TENM2: variants seen among roughly 807,000 people sequenced by gnomAD.
TENM2 encodes the protein teneurin transmembrane protein 2, also known as teneurin-2.
In TENM2, 52 loss-of-function variants were observed where a neutral mutation model predicts 245.2. The ratio of observed to expected loss-of-function variants is 0.21; its 90% CI spans 0.17 to 0.27. The LOEUF (loss-of-function observed/expected upper bound fraction) is 0.27, where lower values mean the gene tolerates loss of function less well. Ranked by LOEUF, TENM2 falls within the 10% of genes least tolerant of loss-of-function variation. The pLI is 1.00. For synonymous variants in TENM2, 1,363 were observed against 1,438.9 expected (o/e 0.95, Z 1.19); for missense variants, 3,046 against 3,666.8 (o/e 0.83, Z 4.37).
chr5:167,977,173 G>T (rs1452992615), intron 4 of TENM2, among the ~76,000 whole-genome samples: 1 of 152,070 alleles, frequency 6.6e-6, no homozygotes, highest in Admixed American at 6.5e-5. Context: ...CCTACTTGAG[G>T]GTGGAGGGTG....
chr5:167,098,498 C>T, the TENM2 span, among the ~76,000 whole-genome samples: 2 of 152,162 alleles, frequency 1.3e-5, no homozygotes, highest in Admixed American at 6.5e-5. Flanking sequence ...ACTTCTGCTT[C>T]TGATGCTTCC....
chr5:167,389,953 T>C (rs1348343469), intron 2 of TENM2, among the ~76,000 whole-genome samples: 2 of 152,214 alleles, frequency 1.3e-5, no homozygotes, highest in African/African-American at 2.4e-5. Flanking sequence ...TATGGAAAGA[T>C]AGTGGGACGA....
the TENM2 span, among the ~76,000 whole-genome samples, chr5:167,029,588 G>A: frequency 6.6e-6 from 1 of 152,070 alleles, no homozygotes; most frequent in Non-Finnish European, 1.5e-5. Context: ...AAGTATATTG[G>A]CAAGTGACTT....
intron 2 of TENM2, among the ~76,000 whole-genome samples, chr5:167,392,513 C>T (rs1371057341): frequency 1.3e-5 from 2 of 152,124 alleles, no homozygotes; most frequent in Admixed American, 6.6e-5. Context: ...TTTCTCCTGC[C>T]GTCAGCATTT....
intron 3 of TENM2, among the ~76,000 whole-genome samples, chr5:167,890,389 A>G (rs184290382): frequency 1.3e-5 from 2 of 152,276 alleles, no homozygotes; most frequent in African/African-American, 4.8e-5. Context: ...AATAATCATC[A>G]TCACTTATGT....
chr5:167,124,020 A>T, the TENM2 span, among the ~76,000 whole-genome samples: 4,009 of 152,304 alleles, frequency 0.026, 192 homozygotes, highest in African/African-American at 0.092. Flanking sequence ...GCATTTCTGC[A>T]TCTTCCTGTA....
intron 15 of TENM2, among the ~76,000 whole-genome samples, chr5:168,195,608 G>A (rs979183708): frequency 9.8e-6 from 1 of 101,664 alleles, no homozygotes; most frequent in Non-Finnish European, 2.0e-5. Context: ...GTGTGTGTGT[G>A]TGTTGGGGTG....
At chr5:167,166,097 G>A in the TENM2 span, among the ~76,000 whole-genome samples, 1 of 152,154 alleles carries the variant, frequency 6.6e-6, no homozygotes, top group Non-Finnish European at 1.5e-5. Context: ...AAGCTTTTGT[G>A]AATGATGGTT....
rs577835695 is a variant in TENM2, at chr5:168,151,735, G to T, written c.2423-10876G>T. Among the ~76,000 whole-genome samples the T allele has an allele frequency of 6.6e-5, 10 of 152,310 alleles. No individual in the cohort carries two copies. In the East Asian group the frequency reaches 1.9e-3, roughly 29 times the overall value. On this transcript the variant is annotated intron_variant, in intron 12 of 28. Transcript: ENST00000518659. ...GAGGTGACCTGATGCAGTGGCCCCG[G>T]GCAGCAGCAGAATCTGTTGGAAGCC...
At chr5:167,288,106 A>C (rs1328735632) in intron 1 of TENM2, among the ~76,000 whole-genome samples, 3 of 152,094 alleles carry the variant, frequency 2.0e-5, no homozygotes, top group Non-Finnish European at 4.4e-5. Context: ...TGTGATATAC[A>C]AGACATTCTC....
At chr5:167,903,377 G>A (rs909936905) in intron 3 of TENM2, among the ~76,000 whole-genome samples, 11 of 152,270 alleles carry the variant, frequency 7.2e-5, no homozygotes, top group Admixed American at 1.3e-4. Context: ...ATGTGAGAGC[G>A]ATGCCAGAAA....
the TENM2 span, among the ~76,000 whole-genome samples, chr5:167,067,318 T>G: frequency 6.6e-6 from 1 of 152,168 alleles, no homozygotes. Flanking sequence ...TTTTCCTTTT[T>G]TTGAAGCCTT....
intron 5 of TENM2, among the ~76,000 whole-genome samples, chr5:168,013,058 A>C (rs992047): frequency 0.42 from 63,972 of 151,924 alleles, 14,932 homozygotes; most frequent in African/African-American, 0.63. Context: ...TATTCAAATT[A>C]TTTGCCCCTC....
chr5:167,741,550 T>C (rs1761176138), intron 2 of TENM2, among the ~76,000 whole-genome samples: 1 of 152,158 alleles, frequency 6.6e-6, no homozygotes, highest in Non-Finnish European at 1.5e-5. Context: ...CTATTACCTC[T>C]ACACAAATTC....
intron 2 of TENM2, among the ~76,000 whole-genome samples, chr5:167,492,289 T>C (rs1768480204): frequency 6.6e-6 from 1 of 152,138 alleles, no homozygotes; most frequent in Non-Finnish European, 1.5e-5. Context: ...TCATTCCTGC[T>C]TGCTACTTGA....
intron 2 of TENM2, among the ~76,000 whole-genome samples, chr5:167,379,106 T>C (rs2127325446): frequency 6.6e-6 from 1 of 152,268 alleles, no homozygotes; most frequent in African/African-American, 2.4e-5. Flanking sequence ...TCTGTTGTAA[T>C]TGGGAAATTT....
At chr5:167,284,399 A>G (rs1395906814), upstream of TENM2, among the ~76,000 whole-genome samples, 1 of 152,118 alleles carries the variant, frequency 6.6e-6, no homozygotes, top group African/African-American at 2.4e-5. Context: ...CTTCTATAGC[A>G]TAGAGAGAAT....
chr5:167,441,461 A>G (rs993948020), intron 2 of TENM2, among the ~76,000 whole-genome samples: 2 of 152,226 alleles, frequency 1.3e-5, no homozygotes, highest in African/African-American at 2.4e-5. Flanking sequence ...CTCATCAAAT[A>G]TCTTGCATAC....
At chr5:168,133,866 A>T (rs1456237972) in intron 12 of TENM2, among the ~76,000 whole-genome samples, 1 of 152,204 alleles carries the variant, frequency 6.6e-6, no homozygotes, top group Non-Finnish European at 1.5e-5. Context: ...AGAACACAGG[A>T]TTTTGTGGCA....
Sources: gnomAD v4.1 joint callset for allele counts (sites outside exome capture counted in the v4.1 genomes callset) on GRCh38, gnomAD v4.1.1 for gene constraint, MANE v1.5 for transcripts, NCBI Gene and HGNC (gene_info 2026-07-23, HGNC 2026-07-21) for gene names.